CADM2: variants seen among roughly 807,000 people sequenced by gnomAD.
CADM2 encodes the protein immunoglobulin superfamily member 4D.
A neutral mutation model predicts 49.8 loss-of-function variants in CADM2; 12 were observed. That is an observed-to-expected ratio of 0.24 (90% confidence interval 0.15 to 0.39). The LOEUF (loss-of-function observed/expected upper bound fraction) is 0.39, where lower values mean the gene tolerates loss of function less well. Ranked by LOEUF, CADM2 falls within the 10% of genes least tolerant of loss-of-function variation. The pLI is 1.00. For missense variants in CADM2, 378 were observed against 492.3 expected, an observed-to-expected ratio of 0.77 and a Z score of 2.20; for synonymous variants, 214 against 175.4, an observed-to-expected ratio of 1.22 and a Z score of -1.74.
At chr3:85,772,748 A>T (rs1314082903) in intron 2 of CADM2, among the ~76,000 whole-genome samples, 1 of 151,902 alleles carries the variant, frequency 6.6e-6, no homozygotes, top group East Asian at 1.9e-4. Flanking sequence ...GTCAAGAAGC[A>T]TCTATCTCTA....
At chr3:85,431,554 G>A (rs2036666489) in intron 1 of CADM2, among the ~76,000 whole-genome samples, 1 of 151,806 alleles carries the variant, frequency 6.6e-6, no homozygotes, top group Non-Finnish European at 1.5e-5. Context: ...GGAGTCAGAA[G>A]TGTTAAAACA....
At chr3:85,516,139 T>C (rs2060896811) in intron 1 of CADM2, among the ~76,000 whole-genome samples, 1 of 152,164 alleles carries the variant, frequency 6.6e-6, no homozygotes, top group Admixed American at 6.6e-5. Context: ...TTTGAGTCTG[T>C]GATGTGAATA....
At chr3:85,751,851 A>G (rs2107862489) in intron 2 of CADM2, among the ~76,000 whole-genome samples, 1 of 152,268 alleles carries the variant, frequency 6.6e-6, no homozygotes, top group African/African-American at 2.4e-5. Flanking sequence ...GACCTTTATA[A>G]ATATCAGAAC....
intron 8 of CADM2, among the ~76,000 whole-genome samples, chr3:86,047,812 G>A (rs545721857): frequency 1.3e-5 from 2 of 152,242 alleles, no homozygotes; most frequent in South Asian, 4.2e-4. Flanking sequence ...CACATTTCGA[G>A]TCCCAAATCT....
chr3:85,011,235 T>C (rs1416530591), intron 1 of CADM2, among the ~76,000 whole-genome samples: 2 of 152,120 alleles, frequency 1.3e-5, no homozygotes, highest in African/African-American at 2.4e-5. Context: ...TCAATCCGCT[T>C]GATTTGTCGA....
intron 1 of CADM2, among the ~76,000 whole-genome samples, chr3:85,578,935 G>A (rs1352214290): frequency 6.6e-6 from 1 of 152,162 alleles, no homozygotes; most frequent in Non-Finnish European, 1.5e-5. Context: ...TTAACAAAGT[G>A]TGAAATGTTT....
chr3:85,776,150 T>C (rs923875050), intron 2 of CADM2, among the ~76,000 whole-genome samples: 3 of 151,864 alleles, frequency 2.0e-5, no homozygotes, highest in African/African-American at 7.2e-5. Flanking sequence ...AAATGAAGTT[T>C]TAATTAATAA....
chr3:85,023,111 T>C (rs2034578259), intron 1 of CADM2, among the ~76,000 whole-genome samples: 1 of 152,132 alleles, frequency 6.6e-6, no homozygotes, highest in South Asian at 2.1e-4. Flanking sequence ...GTGCATTATA[T>C]GGAAGGGATT....
intron 1 of CADM2, among the ~76,000 whole-genome samples, chr3:85,281,884 G>T (rs1210622442): frequency 6.6e-6 from 1 of 152,004 alleles, no homozygotes; most frequent in Non-Finnish European, 1.5e-5. Context: ...AGGCCTATTA[G>T]GCACAAGCTG....
At chr3:85,281,864 A>G (rs1332913043) in intron 1 of CADM2, among the ~76,000 whole-genome samples, 12 of 152,086 alleles carry the variant, frequency 7.9e-5, no homozygotes, top group Admixed American at 7.9e-4. Context: ...CAGACTGTGA[A>G]ACTAAGGAAA....
chr3:85,635,881 A>G (rs937260264), intron 1 of CADM2, among the ~76,000 whole-genome samples: 1 of 152,166 alleles, frequency 6.6e-6, no homozygotes, highest in Non-Finnish European at 1.5e-5. Context: ...TGGAGATAAA[A>G]AAGTCCTATT....
At chr3:85,253,881 A>G (rs1352768396) in intron 1 of CADM2, among the ~76,000 whole-genome samples, 1 of 152,014 alleles carries the variant, frequency 6.6e-6, no homozygotes, top group African/African-American at 2.4e-5. Flanking sequence ...GTTTTTTCCT[A>G]TTTTTACACA....
chr3:85,354,097 C>A (rs2031612421), intron 1 of CADM2, among the ~76,000 whole-genome samples: 1 of 151,262 alleles, frequency 6.6e-6, no homozygotes, highest in Non-Finnish European at 1.5e-5. Flanking sequence ...TTAAAATATA[C>A]CTTTATTTAT....
At chr3:85,083,826 T>C (rs2037266753) in intron 1 of CADM2, among the ~76,000 whole-genome samples, 1 of 152,092 alleles carries the variant, frequency 6.6e-6, no homozygotes, top group African/African-American at 2.4e-5. Context: ...GCCACAGATT[T>C]ATATTATAAA....
chr3:85,226,139 G>A lies in CADM2; in HGVS notation c.61+266471G>A, dbSNP rs113031341. 6.6e-5 allele frequency among the ~76,000 whole-genome samples: 10 copies of A among 152,224 alleles called. 1 individual carries two copies. The highest frequency in any genetic ancestry group is 2.4e-4 in the African/African-American group (10 of 41,528). On this transcript the variant is annotated intron_variant, in intron 1 of 9. Coordinates refer to ENST00000383699, the MANE Select transcript of CADM2 (RefSeq NM_001167675.2). The stretch of plus-strand genomic sequence containing the variant: ...GGATGATGCTGGCCTCTTAAAATCA[G>A]TTAGGGAGAATTCCTTCTTTTTCTG...
At chr3:85,538,825 A>T (rs1390612667) in intron 1 of CADM2, among the ~76,000 whole-genome samples, 7 of 152,100 alleles carry the variant, frequency 4.6e-5, no homozygotes, top group African/African-American at 1.4e-4. Flanking sequence ...GATGGCTGGG[A>T]TACAGGAAAG....
chr3:85,498,597 A>G (rs1263616179), intron 1 of CADM2, among the ~76,000 whole-genome samples: 3 of 152,204 alleles, frequency 2.0e-5, no homozygotes, highest in Non-Finnish European at 4.4e-5. Context: ...ACTCAAAGTC[A>G]GGAAAATGTA....
chr3:85,156,479 A>G (rs1222247821), intron 1 of CADM2, among the ~76,000 whole-genome samples: 3 of 152,168 alleles, frequency 2.0e-5, no homozygotes, highest in African/African-American at 7.2e-5. Flanking sequence ...ATTGGCAATA[A>G]TCAATAGCTT....
chr3:85,559,655 A>AACACACACACAC (rs144677158), intron 1 of CADM2, among the ~76,000 whole-genome samples: 3 of 111,006 alleles, frequency 2.7e-5, no homozygotes, highest in African/African-American at 8.7e-5. Context: ...ATTTAAAAGA[A>AACACACACACAC]ACACACACAC....
Sources: allele counts gnomAD v4.1 joint callset (sites outside exome capture counted in the v4.1 genomes callset), GRCh38; gene constraint gnomAD v4.1.1; transcripts MANE v1.5; gene names NCBI Gene and HGNC (gene_info 2026-07-23, HGNC 2026-07-21).